Variants in MTSS1 observed in about 807,000 individuals in gnomAD.
MTSS1 encodes protein MTSS 1.
A neutral mutation model predicts 79.0 loss-of-function variants in MTSS1; 18 were observed. That is an observed-to-expected ratio of 0.23 (90% CI 0.16 to 0.34). The LOEUF (loss-of-function observed/expected upper bound fraction) is 0.34. Ranked by LOEUF, MTSS1 falls within the 10% of genes least tolerant of loss-of-function variation. The pLI is 1.00. For synonymous variants in MTSS1, 341 were observed against 368.6 expected (o/e 0.93, Z 0.86); for missense variants, 815 against 986.2 (o/e 0.83, Z 2.33).
chr8:124,627,192 G>A (rs1176257882), intron 3 of MTSS1, among the ~76,000 whole-genome samples: 7 of 152,050 alleles, frequency 4.6e-5, no homozygotes, highest in Middle Eastern at 3.4e-3. Flanking sequence ...GTGTCCCCAC[G>A]GCCCTCTGAG....
intron 1 of MTSS1, among the ~76,000 whole-genome samples, chr8:124,720,966 C>T (rs926940190): frequency 1.3e-5 from 2 of 152,130 alleles, no homozygotes; most frequent in Non-Finnish European, 2.9e-5. Flanking sequence ...AAATAACTCG[C>T]CCATGGGATT....
chr8:124,701,174 G>T (rs1323043324), intron 2 of MTSS1, among the ~76,000 whole-genome samples: 1 of 152,112 alleles, frequency 6.6e-6, no homozygotes, highest in Non-Finnish European at 1.5e-5. Context: ...GAGGTCAAGG[G>T]TGCAGTGAGC....
intron 2 of MTSS1, among the ~76,000 whole-genome samples, chr8:124,700,232 A>G (rs573613688): frequency 6.6e-6 from 1 of 152,344 alleles, no homozygotes; most frequent in African/African-American, 2.4e-5. Context: ...AAAATAAAAC[A>G]TTAAAAAATA....
chr8:124,704,228 G>A lies in MTSS1; in HGVS notation c.73-37C>T, dbSNP rs764195160. On this transcript the variant is annotated intron_variant, in intron 1 of 13. Transcript: ENST00000518547. ...CAAAGACATCAGTAAGTCACACTGC[G>A]ATAGACATCTGATTACTACATTAAC... 2.1e-5 allele frequency: 32 copies of A among 1,556,146 alleles called. No individual in the cohort carries two copies. The Admixed American group carries it at 2.3e-4, about 11-fold the overall frequency.
In MTSS1 at chr8:124,555,875, C is replaced by T. The variant is rs1339649808; in HGVS notation, c.1434G>A (p.Glu478=). Residue 478 remains glutamate (E), a synonymous_variant, in exon 13 of 14, where the codon GAG becomes GAA. Coordinates refer to ENST00000518547, the MANE Select transcript of MTSS1 (RefSeq NM_014751.6). Reference sequence around the variant, plus strand: ...GGCCCCGAGACAGGGCCAGGGCCAGCTCCTCACAAGCCTCCATCTCCTCAC... The same window carrying T: ...GGCCCCGAGACAGGGCCAGGGCCAGTTCCTCACAAGCCTCCATCTCCTCAC... ...RPGEEMEACE[E]LALALSRGLQ... The T allele has an allele frequency of 2.5e-6, 4 of 1,610,488 alleles. No homozygotes were observed. The highest frequency in any genetic ancestry group is 1.7e-5 in the Admixed American group (1 of 60,006).
intron 3 of MTSS1, among the ~76,000 whole-genome samples, chr8:124,688,343 TG>T (rs1827357275): frequency 8.3e-6 from 1 of 119,842 alleles, no homozygotes; most frequent in Non-Finnish European, 1.8e-5. Flanking sequence ...TGTGTGTATG[TG>T]TGTTGTGTGT....
chr8:124,641,084 G>C (rs1279780095), intron 3 of MTSS1, among the ~76,000 whole-genome samples: 2 of 151,924 alleles, frequency 1.3e-5, no homozygotes, highest in South Asian at 4.1e-4. Context: ...AAGTCTGGGG[G>C]AAAACCCGCA....
intron 1 of MTSS1, among the ~76,000 whole-genome samples, chr8:124,713,155 A>G (rs775511541): frequency 5.3e-5 from 8 of 152,288 alleles, no homozygotes; most frequent in Non-Finnish European, 1.2e-4. Flanking sequence ...CCACACCTCA[A>G]GTGCTCTGCA....
At chr8:124,632,659 T>TTTTG (rs751592312) in intron 3 of MTSS1, among the ~76,000 whole-genome samples, 18 of 151,866 alleles carry the variant, frequency 1.2e-4, no homozygotes, top group East Asian at 3.9e-4. Context: ...CAGAATTAGG[T>TTTTG]TTTGTTTGTT....
chr8:124,623,177 T>C (rs1369031905), intron 3 of MTSS1, among the ~76,000 whole-genome samples: 2 of 152,244 alleles, frequency 1.3e-5, no homozygotes, highest in Non-Finnish European at 2.9e-5. Flanking sequence ...GTTACCCTAC[T>C]GAAAATTGTT....
rs1468570684 is a variant in MTSS1 at position 124,627,411 on chromosome 8, T to C, written c.209-36176A>G. On this transcript the variant is annotated intron_variant, in intron 3 of 13. Coordinates refer to ENST00000518547, the MANE Select transcript of MTSS1 (RefSeq NM_014751.6). ...ACCCTCAAGGCAGGCATCTATCCTATAAAGGAGGAGACCAAGGCTCACGCA... is the reference window on the plus strand; with the variant it reads ...ACCCTCAAGGCAGGCATCTATCCTACAAAGGAGGAGACCAAGGCTCACGCA... Among the ~76,000 whole-genome samples the C allele has an allele frequency of 3.3e-5, 5 of 152,180 alleles. No homozygotes were observed. In the East Asian group the frequency reaches 7.7e-4, roughly 23 times the overall value.
chr8:124,555,814 G>T lies in MTSS1; in HGVS notation c.1495C>A (p.Leu499Ile), dbSNP rs1263796675. The change falls in exon 13 of 14, where the codon CTT becomes ATT. Residue 499 changes from leucine to isoleucine, a missense_variant. Physicochemically the swap from Leu to Ile is conservative, Grantham distance 5. Around this residue, in one of 2 missense-constraint regions of MTSS1, gnomAD observed 590 missense variants for 620.8 expected, o/e 0.95. Transcript: ENST00000518547. ...GTGCTGTAGCCGCTGGAGCACTGAA[G>T]CGAGTCCCGGCTGCTCCTCTGGGTG... ...LDTQRSSRDS[L>I]QCSSGYSTQT... 6.2e-7 allele frequency: 1 copy of T among 1,613,398 alleles called. No individual in the cohort carries two copies. The highest frequency in any genetic ancestry group is 8.5e-7 in the Non-Finnish European group (1 of 1,179,856).
intron 3 of MTSS1, among the ~76,000 whole-genome samples, chr8:124,694,401 A>G (rs1362333718): frequency 6.6e-6 from 1 of 152,032 alleles, no homozygotes; most frequent in Non-Finnish European, 1.5e-5. Flanking sequence ...AATACATCCA[A>G]TGCCTGAGGA....
At chr8:124,603,325 C>G (rs1834253115) in intron 3 of MTSS1, among the ~76,000 whole-genome samples, 1 of 152,126 alleles carries the variant, frequency 6.6e-6, no homozygotes, top group Non-Finnish European at 1.5e-5. Context: ...AGTGCCTGGC[C>G]AGGCATCCCA....
At chr8:124,690,150 T>C (rs1162094869) in intron 3 of MTSS1, among the ~76,000 whole-genome samples, 1 of 152,204 alleles carries the variant, frequency 6.6e-6, no homozygotes, top group Non-Finnish European at 1.5e-5. Context: ...TCCTCCCCAC[T>C]GCTGCTGCTC....
intron 6 of MTSS1, among the ~76,000 whole-genome samples, chr8:124,579,350 G>T (rs1426025461): frequency 2.0e-5 from 3 of 152,176 alleles, no homozygotes; most frequent in Non-Finnish European, 4.4e-5. Context: ...GGGTCAGCGT[G>T]GGTGGGGAGA....
intron 6 of MTSS1, chr8:124,568,756 C>G: frequency 6.8e-7 from 1 of 1,463,260 alleles, no homozygotes; most frequent in African/African-American, 1.4e-5. Context: ...TGGCTTATTC[C>G]TGACAAGGAA....
At chr8:124,721,830 G>A (rs1448154932) in intron 1 of MTSS1, among the ~76,000 whole-genome samples, 3 of 152,176 alleles carry the variant, frequency 2.0e-5, no homozygotes, top group Non-Finnish European at 4.4e-5. Context: ...CCCTGGCCCA[G>A]GCAGCAGCAT....
intron 3 of MTSS1, among the ~76,000 whole-genome samples, chr8:124,595,851 G>A (rs749932723): frequency 5.9e-5 from 9 of 152,162 alleles, no homozygotes; most frequent in Non-Finnish European, 1.0e-4. Flanking sequence ...TCACATGATC[G>A]GTCTAGGCCC....
Sources: gnomAD v4.1 joint callset for allele counts (sites outside exome capture counted in the v4.1 genomes callset) on GRCh38, gnomAD v4.1.1 for gene constraint, gnomAD v4.1.1 regional missense constraint, MANE v1.5 for transcripts, NCBI Gene and HGNC (gene_info 2026-07-23, HGNC 2026-07-21) for gene names.